Variants in ZNF10 observed in about 807,000 individuals in gnomAD.
ZNF10 encodes zinc finger protein 10.
Under a neutral mutation model 12.2 loss-of-function variants are expected in ZNF10, and 8 were observed. The ratio of observed to expected loss-of-function variants is 0.66; its 90% confidence interval spans 0.39 to 1.18. The LOEUF is 1.18. Ranked by LOEUF, ZNF10 falls within the 50% of genes most tolerant of loss-of-function variation. The pLI, the probability that ZNF10 is intolerant of heterozygous loss-of-function variation, is 0.01. For synonymous variants in ZNF10, 229 were observed against 228.2 expected, an observed-to-expected ratio of 1.00 and a Z score of -0.03; for missense variants, 603 against 678.9, an observed-to-expected ratio of 0.89 and a Z score of 1.24.
At chr12:133,152,206 CCTCT>C (rs1956013635) in intron 4 of ZNF10, among the ~76,000 whole-genome samples, 3 of 152,156 alleles carry the variant, frequency 2.0e-5, no homozygotes, top group Admixed American at 2.0e-4. Flanking sequence ...TGCATTTTTG[CCTCT>C]CTTTGTTCTT....
chr12:133,146,026 C>T (rs998366443), intron 2 of ZNF10, among the ~76,000 whole-genome samples: 2 of 152,088 alleles, frequency 1.3e-5, no homozygotes, highest in African/African-American at 4.8e-5. Flanking sequence ...ATCAGATAGC[C>T]ACTGAAGTTA....
intron 1 of ZNF10, among the ~76,000 whole-genome samples, chr12:133,137,445 T>C (rs1265580108): frequency 6.6e-6 from 1 of 152,204 alleles, no homozygotes; most frequent in Non-Finnish European, 1.5e-5. Context: ...ACTAGAAGTA[T>C]TGAAATTCTT....
intron 1 of ZNF10, among the ~76,000 whole-genome samples, chr12:133,132,527 A>AT (rs1220820084): frequency 1.3e-5 from 2 of 152,202 alleles, no homozygotes. Context: ...TCAAAAAAAA[A>AT]GTATTTTAAG....
At chr12:133,141,060 C>A (rs1188593483) in intron 1 of ZNF10, among the ~76,000 whole-genome samples, 1 of 152,184 alleles carries the variant, frequency 6.6e-6, no homozygotes, top group Non-Finnish European at 1.5e-5. Flanking sequence ...ACCAGCCAGA[C>A]TGGAAAACTC....
chr12:133,144,917 C>A, intron 2 of ZNF10: 1 of 447,264 alleles, frequency 2.2e-6, no homozygotes. Flanking sequence ...GAGTCTTGCT[C>A]TGTCACCCAG....
Position 133,151,777 on chromosome 12 carries a change from T to C in ZNF10, c.161-32T>C, listed in dbSNP as rs1956009235. On this transcript the variant is annotated intron_variant, in intron 3 of 4. Transcript: ENST00000248211. ...GCCTACCTCAGAGCTCCCCTGACTCTTACCCTGTTCTTTGTCTTTCACTGT... is the reference window on the plus strand; with the variant it reads ...GCCTACCTCAGAGCTCCCCTGACTCCTACCCTGTTCTTTGTCTTTCACTGT... The C allele has an allele frequency of 3.1e-6, 5 of 1,588,568 alleles. No individual in the cohort carries two copies. The African/African-American group carries it at 5.4e-5, about 17-fold the overall frequency.
intron 1 of ZNF10, among the ~76,000 whole-genome samples, chr12:133,134,198 A>C (rs565172499): frequency 6.6e-6 from 1 of 151,606 alleles, no homozygotes; most frequent in South Asian, 2.1e-4. Context: ...CTGTAATCCC[A>C]GCTATATGGG....
Position 133,151,109 on chromosome 12 carries a change from T to C in ZNF10, c.115T>C (p.Tyr39His). The change falls in exon 3 of 5, where the codon TAC becomes CAC. Residue 39 changes from tyrosine to histidine, a missense_variant. By Grantham distance (83) the Tyr-to-His change is moderately conservative. Coordinates refer to ENST00000248211, the MANE Select transcript of ZNF10 (RefSeq NM_015394.5). ...GCTGGACACTGCTCAGCAGATCGTG[T>C]ACAGAAATGTGATGCTGGAGAACTA... Reference protein sequence around the residue: ...KLLDTAQQIVYRNVMLENYKN... With the variant: ...KLLDTAQQIVHRNVMLENYKN... 6.2e-7 allele frequency: 1 copy of C among 1,613,882 alleles called. No individual in the cohort carries two copies. The highest frequency in any genetic ancestry group is 8.5e-7 in the Non-Finnish European group (1 of 1,179,792).
rs1390012260 is a variant in ZNF10, at chr12:133,158,088, T to TG, written c.*1123dup. 1 of 152,208 alleles carries TG rather than the reference T, an allele frequency of 6.6e-6. No homozygotes were observed. Among genetic ancestry groups the TG allele is most frequent in the African/African-American group, 2.4e-5 (1 of 41,462 alleles). 9.4% of individuals were successfully genotyped at this position (152,208 alleles called of 1,614,324 possible). ...CTACCCAGGTTGAAACCCCACTAGCTGGGTGATCTTGAACATGCTGCTTAG... is the reference window on the plus strand; with the variant it reads ...CTACCCAGGTTGAAACCCCACTAGCTGGGGTGATCTTGAACATGCTGCTTAG... On this transcript the variant is annotated 3_prime_UTR_variant, in exon 5 of 5. Transcript: ENST00000248211.
intron 2 of ZNF10, among the ~76,000 whole-genome samples, chr12:133,150,054 G>A (rs75027528): frequency 3.9e-5 from 6 of 152,038 alleles, no homozygotes; most frequent in Admixed American, 1.3e-4. Flanking sequence ...AAACTGCACC[G>A]GAAAATGTTA....
intron 2 of ZNF10, among the ~76,000 whole-genome samples, chr12:133,148,245 G>A (rs766381416): frequency 3.3e-5 from 5 of 151,658 alleles, no homozygotes; most frequent in Non-Finnish European, 5.9e-5. Flanking sequence ...CTCAGCCTCC[G>A]AAGTAGCTGG....
At chr12:133,148,327 G>A (rs1332454782) in intron 2 of ZNF10, among the ~76,000 whole-genome samples, 2 of 151,958 alleles carry the variant, frequency 1.3e-5, no homozygotes, top group Admixed American at 1.3e-4. Context: ...CACCATGTTG[G>A]CCAGGCTAGT....
At chr12:133,137,807 AAGAT>A (rs1809574592) in intron 1 of ZNF10, among the ~76,000 whole-genome samples, 1 of 152,180 alleles carries the variant, frequency 6.6e-6, no homozygotes, top group African/African-American at 2.4e-5. Flanking sequence ...CTATACCACT[AAGAT>A]AGTTATTAAC....
intron 1 of ZNF10, among the ~76,000 whole-genome samples, chr12:133,136,143 C>T (rs1337944641): frequency 6.6e-6 from 1 of 152,142 alleles, no homozygotes. Context: ...ATCCTTCTTC[C>T]TTTAGAAGCC....
At chr12:133,148,210 T>G (rs1210707028) in intron 2 of ZNF10, among the ~76,000 whole-genome samples, 1 of 152,158 alleles carries the variant, frequency 6.6e-6, no homozygotes, top group African/African-American at 2.4e-5. Context: ...AACCTCTGCC[T>G]CCAGCGTCGA....
In ZNF10 at chr12:133,155,983, C is replaced by T; in HGVS notation, c.737C>T (p.Ser246Phe). The change falls in exon 5 of 5, where the codon TCT becomes TTT. Residue 246 changes from serine to phenylalanine, a missense_variant. Coordinates refer to ENST00000248211, the MANE Select transcript of ZNF10 (RefSeq NM_015394.5). ...TACAAATGCCCTGATAATGACAACT[C>T]TCTTACTCATGGTTCATCTCTTGGT... ...KSYKCPDNDN[S>F]LTHGSSLGIS... 2 of 1,613,996 alleles carry T rather than the reference C, an allele frequency of 1.2e-6. No individual in the cohort carries two copies. Among genetic ancestry groups the T allele is most frequent in the African/African-American group, 1.3e-5 (1 of 75,064 alleles).
chr12:133,150,646 G>A (rs1593845600), intron 2 of ZNF10, among the ~76,000 whole-genome samples: 1 of 151,922 alleles, frequency 6.6e-6, no homozygotes, highest in African/African-American at 2.4e-5. Context: ...AACATGGCTA[G>A]GGTGGTAAAT....
chr12:133,155,551 T>C lies in ZNF10; in HGVS notation c.305T>C (p.Ile102Thr). ...EIKSSVSSRS[I>T]FKDKQSCDIK... ...AAATCATCAGTTTCCAGCAGGAGCATTTTTAAAGATAAGCAATCCTGTGAC... is the reference window on the plus strand; with the variant it reads ...AAATCATCAGTTTCCAGCAGGAGCACTTTTAAAGATAAGCAATCCTGTGAC... Residue 102 changes from isoleucine to threonine, a missense_variant, in exon 5 of 5, where the codon ATT becomes ACT. This residue lies in a region of ZNF10 where 393 missense variants were observed against 399.7 expected (regional missense o/e 0.98). Transcript: ENST00000248211. 6.2e-7 allele frequency: 1 copy of C among 1,600,176 alleles called. No homozygotes were observed. Among genetic ancestry groups the C allele is most frequent in the African/African-American group, 1.3e-5 (1 of 74,222 alleles).
Position 133,156,494 on chromosome 12 carries a change from G to A in ZNF10, c.1248G>A (p.Gln416=). 7 of 1,614,072 alleles carry A rather than the reference G, an allele frequency of 4.3e-6. No homozygotes were observed. Among genetic ancestry groups the A allele is most frequent in the Non-Finnish European group, 5.9e-6 (7 of 1,179,968 alleles). The part of the protein sequence containing the change: ...ECNECGKSYS[Q]RSHLVVHHRI... Reference sequence around the variant, plus strand: ...ATGAATGTGGAAAGTCTTACAGCCAGAGATCTCACCTTGTTGTGCATCATA... The same window carrying A: ...ATGAATGTGGAAAGTCTTACAGCCAAAGATCTCACCTTGTTGTGCATCATA... Residue 416 remains glutamine, a synonymous_variant, in exon 5 of 5, where the codon CAG becomes CAA. Transcript: ENST00000248211.
Sources: allele counts gnomAD v4.1 joint callset (sites outside exome capture counted in the v4.1 genomes callset), GRCh38; gene constraint gnomAD v4.1.1; regional missense constraint gnomAD v4.1.1; transcripts MANE v1.5; gene names NCBI Gene and HGNC (gene_info 2026-07-23, HGNC 2026-07-21).